Variants in ICAM2 observed in about 807,000 individuals in gnomAD.
ICAM2 encodes the protein intercellular adhesion molecule 2.
In ICAM2, 14 loss-of-function variants were observed where a neutral mutation model predicts 19.1. The observed-to-expected ratio is 0.73, with a 90% CI of 0.48 to 1.15. The LOEUF (loss-of-function observed/expected upper bound fraction) is 1.15. Ranked by LOEUF, ICAM2 falls within the 50% of genes most tolerant of loss-of-function variation. The pLI is 0.00. For missense variants in ICAM2, 311 were observed against 355.4 expected, an observed-to-expected ratio of 0.88 and a Z score of 1.00; for synonymous variants, 153 against 152.7, an observed-to-expected ratio of 1.00 and a Z score of -0.01.
rs1567845650 is a variant in ICAM2, at chr17:64,005,202, TA to T, written c.232del (p.Tyr78ThrfsTer25). 1.9e-6 allele frequency: 3 copies of T among 1,614,152 alleles called. No individual in the cohort carries two copies. Among genetic ancestry groups the T allele is most frequent in the Non-Finnish European group, 2.5e-6 (3 of 1,180,008 alleles). On this transcript the variant is annotated frameshift_variant, in exon 3 of 5. Transcript: ENST00000579788. LOFTEE classifies it high-confidence loss of function. ...LLDEQAQWKH[Y>X]LVSNISHDTV... is the part of the protein sequence containing the mutation. ...GTCATGGGAGATGTTTGAGACCAAG[TA>T]ATGTTTCCACTGAGCCTGTTCGTCC...
chr17:64,004,719 AC>A (rs1911084083), intron 3 of ICAM2: 1 of 321,638 alleles, frequency 3.1e-6, no homozygotes, highest in South Asian at 3.2e-5. Flanking sequence ...GAAGATAAAA[AC>A]CCTGGGCGAC....
chr17:64,006,941 G>A, intron 1 of ICAM2: 1 of 551,024 alleles, frequency 1.8e-6, no homozygotes, highest in South Asian at 2.2e-5. Context: ...AGTCCTCCCT[G>A]CTGACTCCCT....
In ICAM2 at chr17:64,002,627, G is replaced by C. The variant is rs1293833731; in HGVS notation, c.*120C>G. ...AGGTGTTTGTATTCGGGCTAGAAAA[G>C]GCAATGTCCCAAGTCTCTGCTGCCT... On this transcript the variant is annotated 3_prime_UTR_variant, in exon 5 of 5. Transcript: ENST00000579788. 5 of 867,170 alleles carry C rather than the reference G, an allele frequency of 5.8e-6. No homozygotes were observed. Among genetic ancestry groups the C allele is most frequent in the Non-Finnish European group, 8.8e-6 (5 of 566,902 alleles). 53.7% of individuals were successfully genotyped at this position (867,170 alleles called of 1,614,324 possible).
chr17:64,015,455 C>T (rs1358172048), intron 1 of ICAM2, among the ~76,000 whole-genome samples: 1 of 152,094 alleles, frequency 6.6e-6, no homozygotes, highest in African/African-American at 2.4e-5. Context: ...TAGTGGCTCA[C>T]AGGTAATTCC....
intron 1 of ICAM2, chr17:64,006,963 G>T: frequency 1.9e-6 from 1 of 522,218 alleles, no homozygotes; most frequent in Non-Finnish European, 3.4e-6. Context: ...TGCAAGGGGC[G>T]GGGCAGGCAA....
chr17:64,018,109 T>A (rs1911785464), intron 1 of ICAM2, among the ~76,000 whole-genome samples: 1 of 151,960 alleles, frequency 6.6e-6, no homozygotes. Flanking sequence ...CGAGGCGGGC[T>A]GATCACGCGG....
intron 1 of ICAM2, among the ~76,000 whole-genome samples, chr17:64,016,764 A>G (rs904323000): frequency 2.0e-5 from 3 of 152,130 alleles, no homozygotes; most frequent in Non-Finnish European, 2.9e-5. Context: ...GCTTCCTGGA[A>G]TCACCTCTCA....
At chr17:64,019,542 G>A (rs1911857961) in intron 1 of ICAM2, among the ~76,000 whole-genome samples, 1 of 152,206 alleles carries the variant, frequency 6.6e-6, no homozygotes, top group Admixed American at 6.5e-5. Context: ...GTGGCCAGGT[G>A]TGGTGGCTCA....
chr17:64,002,900 G>A lies in ICAM2; in HGVS notation c.675C>T (p.Val225=). The A allele has an allele frequency of 6.2e-7, 1 of 1,613,862 alleles. No homozygotes were observed. Among genetic ancestry groups the A allele is most frequent in the Non-Finnish European group, 8.5e-7 (1 of 1,179,934 alleles). The change falls in exon 5 of 5, where the codon GTC becomes GTT. Residue 225 remains valine (V), a synonymous_variant. Transcript: ENST00000579788. The part of the protein sequence containing the change: ...IYEPVSDSQM[V]IIVTVVSVLL... ...ACACCGACACCACCGTGACTATGAT[G>A]ACCATCTGGCTGTCCGACACAGGCT...
At chr17:64,012,352 C>G (rs1008202723) in intron 1 of ICAM2, among the ~76,000 whole-genome samples, 1 of 152,164 alleles carries the variant, frequency 6.6e-6, no homozygotes, top group Non-Finnish European at 1.5e-5. Context: ...AATCCCAGCA[C>G]TTTGGGAGGC....
intron 1 of ICAM2, among the ~76,000 whole-genome samples, chr17:64,015,083 A>G (rs1911671484): frequency 6.6e-6 from 1 of 152,216 alleles, no homozygotes; most frequent in Admixed American, 6.5e-5. Context: ...ATTTATAGAA[A>G]CAGAAAGTGA....
chr17:64,004,954 G>T, intron 3 of ICAM2, 153 bp downstream of exon 3: 1 of 834,540 alleles, frequency 1.2e-6, no homozygotes, highest in Non-Finnish European at 1.9e-6. Context: ...CCAAGGGCTG[G>T]CCTGGTCCTG....
chr17:64,017,737 A>G (rs1911770604), intron 1 of ICAM2, among the ~76,000 whole-genome samples: 1 of 152,260 alleles, frequency 6.6e-6, no homozygotes, highest in Non-Finnish European at 1.5e-5. Flanking sequence ...CTGATGAAAC[A>G]GAATAAAGAG....
At chr17:64,007,175 T>A (rs1261581222) in intron 1 of ICAM2, among the ~76,000 whole-genome samples, 1 of 152,244 alleles carries the variant, frequency 6.6e-6, no homozygotes, top group Non-Finnish European at 1.5e-5. Flanking sequence ...TAAGGAAGCC[T>A]GGAGGGCAAT....
chr17:64,011,723 A>G (rs893950735), intron 1 of ICAM2, among the ~76,000 whole-genome samples: 71 of 152,062 alleles, frequency 4.7e-4, no homozygotes, highest in African/African-American at 1.7e-3. Context: ...ACACAGGGAG[A>G]CCCTGTCTCT....
At chr17:64,009,342 G>A (rs1272576118) in intron 1 of ICAM2, among the ~76,000 whole-genome samples, 1 of 147,788 alleles carries the variant, frequency 6.8e-6, no homozygotes, top group African/African-American at 2.5e-5. Flanking sequence ...TCCTGCTACT[G>A]CTAAAGTCTC....
At chr17:64,011,092 G>A (rs1911433146) in intron 1 of ICAM2, among the ~76,000 whole-genome samples, 1 of 152,124 alleles carries the variant, frequency 6.6e-6, no homozygotes, top group Non-Finnish European at 1.5e-5. Flanking sequence ...GCCATATAAT[G>A]TTGTCAGAAT....
At chr17:64,004,714 TAAA>T in intron 3 of ICAM2, 1 of 315,674 alleles carries the variant, frequency 3.2e-6, no homozygotes, top group South Asian at 3.2e-5. Flanking sequence ...GAGGGGAAGA[TAAA>T]AACCCTGGGC....
chr17:64,016,738 T>C (rs1275986103), intron 1 of ICAM2, among the ~76,000 whole-genome samples: 1 of 152,232 alleles, frequency 6.6e-6, no homozygotes, highest in Non-Finnish European at 1.5e-5. Flanking sequence ...CTGTTTTCCC[T>C]GCTCCTTCAC....
Sources: gnomAD v4.1 joint callset for allele counts (sites outside exome capture counted in the v4.1 genomes callset) on GRCh38, gnomAD v4.1.1 for gene constraint, MANE v1.5 for transcripts, NCBI Gene and HGNC (gene_info 2026-07-23, HGNC 2026-07-21) for gene names.